The following CREB5 variants were observed in gnomAD, a reference collection of about 807,000 sequenced individuals.
CREB5 encodes cAMP responsive element binding protein 5, also known as cyclic AMP-responsive element-binding protein 5.
In CREB5, 19 loss-of-function variants were observed where a neutral mutation model predicts 57.1. The ratio of observed to expected loss-of-function variants is 0.33; its 90% CI spans 0.23 to 0.49. The LOEUF is 0.49. CREB5 is among the 20% of genes least tolerant of loss of function. CREB5 has a pLI of 0.99. For synonymous variants in CREB5, 238 were observed against 238.3 expected (o/e 1.00, Z 0.01); for missense variants, 579 against 671.6 (o/e 0.86, Z 1.52).
chr7:28,724,535 T>C (rs1266536510), intron 7 of CREB5: 1 of 552,270 alleles, frequency 1.8e-6, no homozygotes, highest in African/African-American at 1.9e-5. Flanking sequence ...AAGCACTGGA[T>C]TGGCAAGTGG....
chr7:28,582,920 T>C (rs1231978485), intron 5 of CREB5, among the ~76,000 whole-genome samples: 3 of 152,068 alleles, frequency 2.0e-5, no homozygotes, highest in African/African-American at 7.3e-5. Flanking sequence ...ATTAAATAAG[T>C]AAATAGCAGG....
chr7:28,570,253 A>G (rs996628198), intron 4 of CREB5, 112 bp from the exon 5 acceptor site: 51 of 1,170,308 alleles, frequency 4.4e-5, no homozygotes, highest in Non-Finnish European at 5.7e-5. Flanking sequence ...GGAAGCCATA[A>G]CTCTCTATGT....
rs553756844 is a variant in CREB5, at chr7:28,470,064, G to T, written c.4-18111G>T. The stretch of plus-strand genomic sequence containing the variant: ...CATTCCCTCAGCATTTATCTTTTGT[G>T]TTACAAATAATCCAATACTCTTTTA... On this transcript the variant is annotated intron_variant, in intron 1 of 10. Coordinates refer to ENST00000357727, the MANE Select transcript of CREB5 (RefSeq NM_182898.4). Among the ~76,000 whole-genome samples, 9 of 152,186 alleles carry T rather than the reference G, an allele frequency of 5.9e-5. No individual in the cohort carries two copies. In the South Asian group the frequency reaches 1.9e-3, roughly 32 times the overall value.
chr7:28,345,853 A>C (rs1786048830), intron 1 of CREB5, among the ~76,000 whole-genome samples: 1 of 152,112 alleles, frequency 6.6e-6, no homozygotes. Flanking sequence ...GAGCTCAGGA[A>C]CACAGGGAGT....
At chr7:28,454,461 G>A (rs1009568962) in intron 1 of CREB5, among the ~76,000 whole-genome samples, 2 of 152,148 alleles carry the variant, frequency 1.3e-5, no homozygotes, top group African/African-American at 4.8e-5. Context: ...GCCGTCCTAT[G>A]GCATTCCTCA....
chr7:28,585,274 A>C (rs575166895), intron 5 of CREB5, among the ~76,000 whole-genome samples: 2 of 152,314 alleles, frequency 1.3e-5, no homozygotes, highest in Admixed American at 1.3e-4. Flanking sequence ...CTTAGCAGCT[A>C]ATAACATTCC....
At chr7:28,630,281 A>G (rs1306360047) in intron 5 of CREB5, among the ~76,000 whole-genome samples, 1 of 152,210 alleles carries the variant, frequency 6.6e-6, no homozygotes, top group African/African-American at 2.4e-5. Context: ...AATCTCAGTT[A>G]GGCAAAGTTT....
At chr7:28,326,582 C>A (rs147946800) in intron 1 of CREB5, among the ~76,000 whole-genome samples, 1 of 152,188 alleles carries the variant, frequency 6.6e-6, no homozygotes, top group African/African-American at 2.4e-5. Flanking sequence ...TTAGTCACAA[C>A]AGGCACAATG....
intron 1 of CREB5, 59 bp from the exon 2 acceptor site, chr7:28,488,116 G>A: frequency 1.3e-6 from 2 of 1,512,922 alleles, no homozygotes; most frequent in Non-Finnish European, 1.8e-6. Context: ...TGCTCAGGTA[G>A]AAGCAGAAGA....
chr7:28,510,740 C>T (rs1295367406), intron 4 of CREB5, among the ~76,000 whole-genome samples: 1 of 152,166 alleles, frequency 6.6e-6, no homozygotes, highest in African/African-American at 2.4e-5. Context: ...AGAAAGCCCT[C>T]ATTATCTGTA....
At chr7:28,328,939 C>A (rs1785662229) in intron 1 of CREB5, among the ~76,000 whole-genome samples, 1 of 152,222 alleles carries the variant, frequency 6.6e-6, no homozygotes, top group Non-Finnish European at 1.5e-5. Flanking sequence ...TGCAAGTACA[C>A]TTTTGGTGAA....
chr7:28,434,360 A>T (rs1385159647), intron 1 of CREB5, among the ~76,000 whole-genome samples: 1 of 152,238 alleles, frequency 6.6e-6, no homozygotes, highest in Admixed American at 6.5e-5. Context: ...TAGAATTTTA[A>T]TCGAATGCCA....
chr7:28,594,392 C>T (rs1796627559), intron 5 of CREB5, among the ~76,000 whole-genome samples: 1 of 152,192 alleles, frequency 6.6e-6, no homozygotes, highest in Admixed American at 6.5e-5. Flanking sequence ...CCCTCCACAA[C>T]TCTGGTTTCA....
At chr7:28,494,820 A>T in intron 2 of CREB5, 86 bp from the exon 3 acceptor site, 1 of 836,584 alleles carries the variant, frequency 1.2e-6, no homozygotes, top group Non-Finnish European at 1.8e-6. Context: ...ATGCTAAATA[A>T]GTCTTTTTCT....
chr7:28,331,919 G>C (rs568082305), intron 1 of CREB5, among the ~76,000 whole-genome samples: 1 of 151,324 alleles, frequency 6.6e-6, no homozygotes, highest in Non-Finnish European at 1.5e-5. Context: ...GTAGTGAGTC[G>C]AATGATGACC....
intron 1 of CREB5, among the ~76,000 whole-genome samples, chr7:28,337,898 AG>A (rs1263445531): frequency 6.6e-6 from 1 of 152,072 alleles, no homozygotes; most frequent in Non-Finnish European, 1.5e-5. Context: ...GTTACCATAA[AG>A]CTTGCAAACA....
At chr7:28,622,782 AG>A (rs1484907269) in intron 5 of CREB5, among the ~76,000 whole-genome samples, 2 of 151,920 alleles carry the variant, frequency 1.3e-5, no homozygotes, top group Non-Finnish European at 2.9e-5. Context: ...GAACTTTGGG[AG>A]GCCGAGGCAA....
intron 1 of CREB5, among the ~76,000 whole-genome samples, chr7:28,468,957 G>A (rs1790698882): frequency 1.3e-5 from 2 of 152,180 alleles, no homozygotes; most frequent in African/African-American, 2.4e-5. Flanking sequence ...CCACGCTCTC[G>A]ACTACTATGT....
chr7:28,302,252 G>GT (rs551921033), intron 1 of CREB5, among the ~76,000 whole-genome samples: 24 of 152,120 alleles, frequency 1.6e-4, no homozygotes, highest in African/African-American at 5.1e-4. Context: ...TAATTTGAGG[G>GT]TTTTTTTGGA....
Sources: gnomAD v4.1 joint callset for allele counts (sites outside exome capture counted in the v4.1 genomes callset) on GRCh38, gnomAD v4.1.1 for gene constraint, MANE v1.5 for transcripts, NCBI Gene and HGNC (gene_info 2026-07-23, HGNC 2026-07-21) for gene names.